CABP1: variants seen among roughly 807,000 people sequenced by gnomAD.
CABP1 encodes calcium-binding protein 1.
A neutral mutation model predicts 34.3 loss-of-function variants in CABP1; 17 were observed. That is an observed-to-expected ratio of 0.50 (90% CI 0.34 to 0.74). The LOEUF (loss-of-function observed/expected upper bound fraction) is 0.74. Ranked by LOEUF, CABP1 falls within the 30% of genes least tolerant of loss-of-function variation. The pLI, the probability that CABP1 is intolerant of heterozygous loss-of-function variation, is 0.01. For missense variants in CABP1, 373 were observed against 511.1 expected, an observed-to-expected ratio of 0.73 and a Z score of 2.61; for synonymous variants, 198 against 229.2, an observed-to-expected ratio of 0.86 and a Z score of 1.23.
chr12:120,680,538 G>A, the CABP1 span, among the ~76,000 whole-genome samples: 1 of 152,170 alleles, frequency 6.6e-6, no homozygotes. Context: ...CTCTCAGATG[G>A]GGATGACCTT....
the CABP1 span, among the ~76,000 whole-genome samples, chr12:120,678,793 C>T: frequency 6.6e-6 from 1 of 152,000 alleles, no homozygotes; most frequent in Non-Finnish European, 1.5e-5. Flanking sequence ...ACATCCTGGA[C>T]GGGCGTGGTG....
chr12:120,651,329 C>A (rs1418239918), intron 1 of CABP1, among the ~76,000 whole-genome samples: 2 of 152,186 alleles, frequency 1.3e-5, no homozygotes, highest in Non-Finnish European at 2.9e-5. Flanking sequence ...AAGTCACTTT[C>A]TGTGGTGGCT....
the CABP1 span, among the ~76,000 whole-genome samples, chr12:120,678,987 C>A: frequency 6.9e-6 from 1 of 145,374 alleles, no homozygotes. Flanking sequence ...ACAGGAGAAT[C>A]ACTTGAACTG....
the CABP1 span, among the ~76,000 whole-genome samples, chr12:120,678,109 C>A: frequency 6.6e-6 from 1 of 152,200 alleles, no homozygotes; most frequent in Non-Finnish European, 1.5e-5. Context: ...GGTCTTGGGA[C>A]CAAACCACCC....
chr12:120,655,689 G>A (rs1398273521), intron 1 of CABP1: 2 of 1,430,132 alleles, frequency 1.4e-6, no homozygotes, highest in East Asian at 2.5e-5. Flanking sequence ...GAGGTTGGGA[G>A]CATTTTGGGA....
At chr12:120,663,496 G>A (rs1408217198) in intron 5 of CABP1, among the ~76,000 whole-genome samples, 1 of 151,896 alleles carries the variant, frequency 6.6e-6, no homozygotes, top group South Asian at 2.1e-4. Flanking sequence ...GGCTGGTCTC[G>A]AACTCCTGGC....
At chr12:120,659,792 C>A in intron 1 of CABP1, 86 bp from the exon 2 acceptor site, 5 of 1,306,378 alleles carry the variant, frequency 3.8e-6, no homozygotes, top group Non-Finnish European at 5.5e-6. Flanking sequence ...CCAGTGCCTG[C>A]TGCCACGTGG....
intron 5 of CABP1, among the ~76,000 whole-genome samples, chr12:120,665,745 G>A (rs1212832774): frequency 6.6e-6 from 1 of 152,026 alleles, no homozygotes; most frequent in African/African-American, 2.4e-5. Flanking sequence ...AGAGAGGCCC[G>A]GCGCGGTGGC....
Position 120,661,634 on chromosome 12 carries a change from T to TATCC in CABP1, c.1087+429_1087+432dup, listed in dbSNP as rs751401567. The TATCC allele has an allele frequency of 7.2e-4, 115 of 159,672 alleles. No individual in the cohort carries two copies. The highest frequency in any genetic ancestry group is 3.0e-3 in the Middle Eastern group (1 of 328). The allele number at this position is 159,672 out of a possible 1,614,324, so 9.9% of individuals were successfully genotyped here. A position where few individuals can be genotyped will look rare whatever the true frequency, so the allele number is the denominator to read the frequency against. On this transcript the variant is annotated intron_variant, in intron 5 of 5. Transcript: ENST00000316803. The surrounding 1 kb of genome is among the most constrained non-coding windows in gnomAD (Gnocchi z 5.1). ...TCTGTCCATCATCCATCCATCCATTTATCCATCCATCCATCCGTCCATCCA... is the reference window on the plus strand; with the variant it reads ...TCTGTCCATCATCCATCCATCCATTTATCCATCCATCCATCCATCCGTCCATCCA...
At chr12:120,674,516 C>T in the CABP1 span, among the ~76,000 whole-genome samples, 89 of 152,354 alleles carry the variant, frequency 5.8e-4, no homozygotes, top group Non-Finnish European at 4.7e-4. Flanking sequence ...CTTCTGCACT[C>T]CAGCTAATGG....
chr12:120,649,403 A>G (rs2137333337), intron 1 of CABP1, among the ~76,000 whole-genome samples: 1 of 152,314 alleles, frequency 6.6e-6, no homozygotes, highest in South Asian at 2.1e-4. Flanking sequence ...TGCAGGAAAC[A>G]GGGACACTTG....
At chr12:120,648,776 G>C (rs1472829490) in intron 1 of CABP1, among the ~76,000 whole-genome samples, 1 of 151,946 alleles carries the variant, frequency 6.6e-6, no homozygotes, top group African/African-American at 2.4e-5. Flanking sequence ...AGCTACTCGG[G>C]AGGCTGAGCC....
At position 120,641,327 on chromosome 12, in the gene CABP1, C is replaced by A; in HGVS notation, c.642C>A (p.Ser214=). The part of the protein sequence containing the change: ...FLHRLRPMLS[S]AFGQDRSLRP... ...ACCGGCTGCGCCCCATGCTCAGCTC[C>A]GCCTTTGGCCAGGTAAGGGCCGCGC... is the stretch of plus-strand genomic sequence containing the variant. The change falls in exon 1 of 6, where the codon TCC becomes TCA. Residue 214 remains serine, a synonymous_variant. Coordinates refer to ENST00000316803, the MANE Select transcript of CABP1 (RefSeq NM_001033677.2). The surrounding 1 kb of genome is among the most constrained non-coding windows in gnomAD (Gnocchi z 6.7). 1.5e-6 allele frequency: 2 copies of A among 1,316,642 alleles called. No individual in the cohort carries two copies. Among genetic ancestry groups the A allele is most frequent in the Non-Finnish European group, 1.9e-6 (2 of 1,034,328 alleles). The allele number at this position is 1,316,642 out of a possible 1,614,324, so 81.6% of individuals were successfully genotyped here. A position where few individuals can be genotyped will look rare whatever the true frequency, so the allele number is the denominator to read the frequency against.
downstream of CABP1, among the ~76,000 whole-genome samples, chr12:120,670,342 G>T (rs12424591): frequency 0.064 from 9,807 of 152,194 alleles, 374 homozygotes; most frequent in Admixed American, 0.12. Context: ...TGAAGAAAGG[G>T]GTCTGAGACT....
chr12:120,667,813 A>G (rs1260170582), downstream of CABP1, among the ~76,000 whole-genome samples: 1 of 152,104 alleles, frequency 6.6e-6, no homozygotes, highest in Non-Finnish European at 1.5e-5. Flanking sequence ...AGTACCTATT[A>G]TGTACTCAGT....
chr12:120,652,077 C>T (rs1641847957), intron 1 of CABP1, among the ~76,000 whole-genome samples: 1 of 152,212 alleles, frequency 6.6e-6, no homozygotes, highest in South Asian at 2.1e-4. Context: ...ATTACTTAAC[C>T]TCTCTGTTCC....
the CABP1 span, among the ~76,000 whole-genome samples, chr12:120,679,305 T>TATATTAG: frequency 6.6e-6 from 1 of 152,076 alleles, no homozygotes; most frequent in African/African-American, 2.4e-5. Context: ...GGAAAAGAAG[T>TATATTAG]ATATTAGATG....
chr12:120,660,949 T>G lies in CABP1; in HGVS notation c.939+109T>G. Reference sequence around the variant, plus strand: ...AAGTCCCAGATCAGGGGAGGGAGCTTGGACAGAGAAAGGTCTCTGGTAAAG... The same window carrying G: ...AAGTCCCAGATCAGGGGAGGGAGCTGGGACAGAGAAAGGTCTCTGGTAAAG... On this transcript the variant is annotated intron_variant, in intron 4 of 5. Transcript: ENST00000316803. This position sits in a 1 kb window ranked among gnomAD's most constrained non-coding sequence, Gnocchi z 5.0. The G allele has an allele frequency of 1.4e-6, 2 of 1,402,076 alleles. No homozygotes were observed. The highest frequency in any genetic ancestry group is 1.2e-5 in the South Asian group (1 of 80,998). 86.9% of individuals were successfully genotyped at this position (1,402,076 alleles called of 1,614,324 possible). A position where few individuals can be genotyped will look rare whatever the true frequency, so the allele number is the denominator to read the frequency against.
the CABP1 span, among the ~76,000 whole-genome samples, chr12:120,673,209 C>T: frequency 6.6e-6 from 1 of 152,018 alleles, no homozygotes; most frequent in Non-Finnish European, 1.5e-5. Flanking sequence ...AAGGTGATTA[C>T]AAGAGTGCTT....
Sources: allele counts gnomAD v4.1 joint callset (sites outside exome capture counted in the v4.1 genomes callset), GRCh38; gene constraint gnomAD v4.1.1; non-coding constraint Gnocchi (gnomAD v3.1); transcripts MANE v1.5; gene names NCBI Gene and HGNC (gene_info 2026-07-23, HGNC 2026-07-21).